The following PROM2 variants were observed in gnomAD, a reference collection of about 807,000 sequenced individuals.
PROM2 encodes the protein prominin 2.
PROM2 carries 90 observed loss-of-function variants against 110.2 expected under a neutral mutation model. The ratio of observed to expected loss-of-function variants is 0.82; its 90% CI spans 0.69 to 0.97. The LOEUF (loss-of-function observed/expected upper bound fraction) is 0.97. Ranked by LOEUF, PROM2 falls within the 50% of genes least tolerant of loss-of-function variation. The pLI, the probability that PROM2 is intolerant of heterozygous loss-of-function variation, is 0.00. For synonymous variants in PROM2, 470 were observed against 467.8 expected (o/e 1.00, Z -0.06); for missense variants, 1,009 against 1,074.8 (o/e 0.94, Z 0.86).
chr2:95,275,662 A>C lies in PROM2; in HGVS notation c.294+152A>C. The C allele has an allele frequency of 7.4e-7, 1 of 1,357,888 alleles. No individual in the cohort carries two copies. The highest frequency in any genetic ancestry group is 9.9e-7 in the Non-Finnish European group (1 of 1,011,758). The allele number at this position is 1,357,888 out of a possible 1,614,324, so 84.1% of individuals were successfully genotyped here. A position where few individuals can be genotyped will look rare whatever the true frequency, so the allele number is the denominator to read the frequency against. On this transcript the variant is annotated intron_variant, in intron 2 of 23. Transcript: ENST00000317620. The surrounding 1 kb of genome is among the most constrained non-coding windows in gnomAD (Gnocchi z 4.4). Reference sequence around the variant, plus strand: ...CTCTCCCCTCCTCTGTGGGCGCTGCAGTCCGTAGACCTGGGTGCAAACCAC... The same window carrying C: ...CTCTCCCCTCCTCTGTGGGCGCTGCCGTCCGTAGACCTGGGTGCAAACCAC...
rs1477564277 is a variant in PROM2 at position 95,275,600 on chromosome 2, C to A, written c.294+90C>A. On this transcript the variant is annotated intron_variant, in intron 2 of 23. Transcript: ENST00000317620. This position sits in a 1 kb window ranked among gnomAD's most constrained non-coding sequence, Gnocchi z 4.4. ...AAAAGCCTTGGCTCCCCTTAGCCCA[C>A]CTCGCTGGGTGTCCACTAGGCAGGG... 1 of 1,503,382 alleles carries A rather than the reference C, an allele frequency of 6.7e-7. No homozygotes were observed. The highest frequency in any genetic ancestry group is 9.1e-7 in the Non-Finnish European group (1 of 1,100,508). The allele number at this position is 1,503,382 out of a possible 1,614,324, so 93.1% of individuals were successfully genotyped here. A position where few individuals can be genotyped will look rare whatever the true frequency, so the allele number is the denominator to read the frequency against.
intron 23 of PROM2, 50 bp downstream of exon 23, chr2:95,289,056 G>A: frequency 1.4e-6 from 2 of 1,408,730 alleles, no homozygotes; most frequent in Non-Finnish European, 2.0e-6. Context: ...GATTAAGGGA[G>A]TGGGGTGGGG....
chr2:95,285,193 G>A (rs1677281274), intron 15 of PROM2, 78 bp downstream of exon 15: 2 of 1,412,662 alleles, frequency 1.4e-6, no homozygotes, highest in Admixed American at 2.7e-5. Context: ...AGCTGGGTGT[G>A]CATCTTGCCT....
chr2:95,280,245 G>A (rs1303741348), intron 11 of PROM2, among the ~76,000 whole-genome samples: 5 of 152,094 alleles, frequency 3.3e-5, no homozygotes, highest in Non-Finnish European at 7.4e-5. Context: ...GCTTCCAGGC[G>A]GCCCCCACCA....
intron 12 of PROM2, 58 bp from the exon 13 acceptor site, chr2:95,281,867 C>A: frequency 1.7e-6 from 2 of 1,198,860 alleles, no homozygotes; most frequent in South Asian, 2.5e-5. Flanking sequence ...CCCTAGGGGA[C>A]CAGGGTGGCC....
Position 95,274,532 on chromosome 2 carries a change from G to T in PROM2, c.-54G>T. 2 of 1,512,116 alleles carry T rather than the reference G, an allele frequency of 1.3e-6. No individual in the cohort carries two copies. Among genetic ancestry groups the T allele is most frequent in the Non-Finnish European group, 1.8e-6 (2 of 1,128,418 alleles). 93.7% of individuals were successfully genotyped at this position (1,512,116 alleles called of 1,614,324 possible). A position where few individuals can be genotyped will look rare whatever the true frequency, so the allele number is the denominator to read the frequency against. On this transcript the variant is annotated 5_prime_UTR_variant, in exon 1 of 24. Transcript: ENST00000317620. ...GAGGCTGGAGAAGGATGTATGGCCT[G>T]CCCTGGGCTTGTCTGTTCCCTCCTG...
intron 14 of PROM2, among the ~76,000 whole-genome samples, chr2:95,284,651 C>T (rs1677239263): frequency 1.3e-5 from 2 of 152,246 alleles, no homozygotes; most frequent in Admixed American, 6.5e-5. Flanking sequence ...GGAGCCAGCA[C>T]ATCACATAGG....
rs757481750 is a variant in PROM2 at position 95,288,462 on chromosome 2, C to T, written c.2335-21C>T. On this transcript the variant is annotated intron_variant, in intron 21 of 23. Transcript: ENST00000317620. ...CTGGGTGCCACGTGGGTTGGTGAGC[C>T]GACCTCACGCCTTGTTGCAGAATGC... The T allele has an allele frequency of 2.9e-5, 47 of 1,611,074 alleles. No individual in the cohort carries two copies. In the Admixed American group the frequency reaches 3.0e-4, roughly 10 times the overall value.
At chr2:95,283,180 C>T (rs566205056) in intron 14 of PROM2, among the ~76,000 whole-genome samples, 6 of 152,222 alleles carry the variant, frequency 3.9e-5, no homozygotes, top group Non-Finnish European at 2.9e-5. Context: ...GTGGAGGAAG[C>T]CTGGCCAGGG....
rs201610848 is a variant in PROM2, at chr2:95,275,973, C to T, written c.338C>T (p.Ala113Val). The T allele has an allele frequency of 3.8e-4, 612 of 1,612,230 alleles. 7 individuals carry two copies. The South Asian group carries it at 6.1e-3, about 16-fold the overall frequency. ...GGCTACGTGGTATGCGCTGTGATCG[C>T]GGGCCTCTACCTGCTGCTGGTGCCC... ...EAGYVVCAVI[A>V]GLYLLLVPTA... The change falls in exon 3 of 24, where the codon GCG becomes GTG. Residue 113 changes from alanine (A) to valine (V), a missense_variant. Transcript: ENST00000317620. The surrounding 1 kb of genome is among the most constrained non-coding windows in gnomAD (Gnocchi z 4.4).
intron 16 of PROM2, among the ~76,000 whole-genome samples, chr2:95,286,098 A>T (rs1677341299): frequency 6.6e-6 from 1 of 152,224 alleles, no homozygotes; most frequent in African/African-American, 2.4e-5. Context: ...ATGAGATGTC[A>T]TGGCAGTTGC....
At position 95,288,914 on chromosome 2, in the gene PROM2, T is replaced by C; in HGVS notation, c.2442-19T>C. The C allele has an allele frequency of 6.2e-7, 1 of 1,612,676 alleles. No homozygotes were observed. The highest frequency in any genetic ancestry group is 8.5e-7 in the Non-Finnish European group (1 of 1,178,684). On this transcript the variant is annotated intron_variant, in intron 22 of 23. Transcript: ENST00000317620. ...TCTGGGGGGAAGGGTATGCTCACTC[T>C]CTGTCTTTGACACTGCAGCTCCACC...
chr2:95,287,646 C>T (rs1324811333), intron 20 of PROM2, among the ~76,000 whole-genome samples, 182 bp downstream of exon 20: 2 of 152,208 alleles, frequency 1.3e-5, no homozygotes, highest in East Asian at 3.9e-4. Context: ...GTCCACCCCA[C>T]CTCTGCTGCA....
Position 95,282,542 on chromosome 2 carries a change from G to T in PROM2, c.1728+316G>T, listed in dbSNP as rs559971558. 2.0e-4 allele frequency among the ~76,000 whole-genome samples: 30 copies of T among 152,296 alleles called. 1 individual carries two copies. In the South Asian group the frequency reaches 6.0e-3, roughly 31 times the overall value. Reference sequence around the variant, plus strand: ...ACTGAGGACAGGCATTGGCTGGGATGCTCCACTTGGGAGGGGGAGGCTGGG... The same window carrying T: ...ACTGAGGACAGGCATTGGCTGGGATTCTCCACTTGGGAGGGGGAGGCTGGG... On this transcript the variant is annotated intron_variant, in intron 14 of 23. Coordinates refer to ENST00000317620, the MANE Select transcript of PROM2 (RefSeq NM_001165978.3).
Position 95,288,485 on chromosome 2 carries a change from T to C in PROM2, c.2337T>C (p.Asn779=). ...ILCDMMADPW[N]AFWFCLAWCT... ...GCCGACCTCACGCCTTGTTGCAGAA[T>C]GCCTTCTGGTTCTGCCTGGCATGGT... The change falls in exon 22 of 24, where the codon AAT becomes AAC. Residue 779 remains asparagine, a splice_region_variant and synonymous_variant. Transcript: ENST00000317620. 6.2e-7 allele frequency: 1 copy of C among 1,613,860 alleles called. No homozygotes were observed. Among genetic ancestry groups the C allele is most frequent in the Non-Finnish European group, 8.5e-7 (1 of 1,179,742 alleles).
intron 10 of PROM2, among the ~76,000 whole-genome samples, chr2:95,279,579 G>A (rs1676917197): frequency 6.6e-6 from 1 of 152,112 alleles, no homozygotes; most frequent in Non-Finnish European, 1.5e-5. Flanking sequence ...ACAGGCCTTA[G>A]CCACCGCGCC....
intron 9 of PROM2, 23 bp from the exon 10 acceptor site, chr2:95,278,962 C>A: frequency 6.3e-7 from 1 of 1,597,368 alleles, no homozygotes; most frequent in Non-Finnish European, 8.5e-7. Flanking sequence ...CCGCATCCCA[C>A]AAGTCCCTGT....
chr2:95,280,505 TG>T (rs763921909), intron 11 of PROM2, among the ~76,000 whole-genome samples: 2 of 152,256 alleles, frequency 1.3e-5, no homozygotes, highest in Non-Finnish European at 2.9e-5. Context: ...TCAGACCTGC[TG>T]GGATTCTGCC....
intron 15 of PROM2, 113 bp from the exon 16 acceptor site, chr2:95,285,526 A>G: frequency 1.3e-6 from 1 of 786,472 alleles, no homozygotes; most frequent in Non-Finnish European, 2.1e-6. Context: ...CAATACACTT[A>G]GCTGGTGTAG....
Sources: gnomAD v4.1 joint callset for allele counts (sites outside exome capture counted in the v4.1 genomes callset) on GRCh38, gnomAD v4.1.1 for gene constraint, Gnocchi (gnomAD v3.1) non-coding constraint, MANE v1.5 for transcripts, NCBI Gene and HGNC (gene_info 2026-07-23, HGNC 2026-07-21) for gene names.